Variants in VARS1 observed in about 807,000 individuals in gnomAD.
The protein encoded by VARS1 is valine--tRNA ligase.
Under a neutral mutation model 161.0 loss-of-function variants are expected in VARS1, and 92 were observed. The ratio of observed to expected loss-of-function variants is 0.57; its 90% CI spans 0.48 to 0.68. The LOEUF is 0.68. Among genes scored for constraint, VARS1 ranks in the 30% least tolerant of loss-of-function variants. The pLI is 0.00. For synonymous variants in VARS1, 595 were observed against 682.5 expected (o/e 0.87, Z 2.00); for missense variants, 1,338 against 1,695.9 (o/e 0.79, Z 3.71).
At position 31,783,736 on chromosome 6, in the gene VARS1, A is replaced by ACTG. The variant is rs956657764; in HGVS notation, c.1671+475_1671+477dup. 3.7e-4 allele frequency among the ~76,000 whole-genome samples: 54 copies of ACTG among 146,506 alleles called. No homozygotes were observed. In the South Asian group the frequency reaches 4.8e-3, roughly 13 times the overall value. The stretch of plus-strand genomic sequence containing the variant: ...GAGTGCAGCAGAGTGATCTCAGCTC[A>ACTG]CTGCAACCTCCGCATCCCAGGTTCA... On this transcript the variant is annotated intron_variant, in intron 13 of 29. Coordinates refer to ENST00000375663, the MANE Select transcript of VARS1 (RefSeq NM_006295.3).
intron 2 of VARS1, among the ~76,000 whole-genome samples, chr6:31,793,330 C>T (rs1351240136): frequency 6.6e-6 from 1 of 152,036 alleles, no homozygotes; most frequent in Non-Finnish European, 1.5e-5. Flanking sequence ...GGTGAAACCT[C>T]ATCTCTACTA....
intron 8 of VARS1, among the ~76,000 whole-genome samples, chr6:31,787,062 CAA>C (rs70990276): frequency 1.7e-4 from 12 of 70,846 alleles, no homozygotes; most frequent in East Asian, 3.9e-4. Context: ...CTAGTCTCTG[CAA>C]AAAAAAAAAA....
chr6:31,790,215 T>C (rs1211109330), intron 8 of VARS1, among the ~76,000 whole-genome samples: 2 of 151,760 alleles, frequency 1.3e-5, no homozygotes, highest in African/African-American at 4.8e-5. Context: ...AGGCTGCAGG[T>C]TGGACAAACT....
In VARS1 at chr6:31,795,724, C is replaced by T. The variant is rs908219081; in HGVS notation, c.-212G>A. 1.3e-5 allele frequency: 2 copies of T among 152,242 alleles called. No homozygotes were observed. Among genetic ancestry groups the T allele is most frequent in the Non-Finnish European group, 2.9e-5 (2 of 68,128 alleles). The allele number at this position is 152,242 out of a possible 1,614,324, so 9.4% of individuals were successfully genotyped here. A position where few individuals can be genotyped will look rare whatever the true frequency, so the allele number is the denominator to read the frequency against. On this transcript the variant is annotated 5_prime_UTR_variant, in exon 1 of 30. Coordinates refer to ENST00000375663, the MANE Select transcript of VARS1 (RefSeq NM_006295.3). This position sits in a 1 kb window ranked among gnomAD's most constrained non-coding sequence, Gnocchi z 6.9. ...GGCAGCCGGCGCCCACGTGTTCCCCCCTTTGTGACAGGGAGCGTTTCCGGG... is the reference window on the plus strand; with the variant it reads ...GGCAGCCGGCGCCCACGTGTTCCCCTCTTTGTGACAGGGAGCGTTTCCGGG...
At position 31,784,211 on chromosome 6, in the gene VARS1, C is replaced by G. The variant is rs1209621454; in HGVS notation, c.1671+3G>C. 1.9e-6 allele frequency: 3 copies of G among 1,614,030 alleles called. No homozygotes were observed. The highest frequency in any genetic ancestry group is 1.3e-5 in the African/African-American group (1 of 74,942). The stretch of plus-strand genomic sequence containing the variant: ...CCTTCCCTAACTGTGGACAGTCCCC[C>G]ACCTGGTATCTGGTATCTTTGGGGT... On this transcript the variant is annotated splice_donor_region_variant and intron_variant, in intron 13 of 29. Transcript: ENST00000375663. This position sits in a 1 kb window ranked among gnomAD's most constrained non-coding sequence, Gnocchi z 6.1.
chr6:31,781,695 T>C lies in VARS1; in HGVS notation c.2414A>G (p.Asn805Ser). The part of the protein sequence containing the change: ...LFPLSILGWP[N>S]QSEDLSVFYP... ...GCCCCGGCCCCAGGAACACACCTGG[T>C]TGGGCCAGCCCAAAATGGATAAGGG... The change falls in exon 20 of 30, where the codon AAC becomes AGC. Residue 805 changes from asparagine to serine, a missense_variant. This residue lies in a region of VARS1 where 902 missense variants were observed against 1,090.3 expected (regional missense o/e 0.83). Coordinates refer to ENST00000375663, the MANE Select transcript of VARS1 (RefSeq NM_006295.3). The surrounding 1 kb of genome is among the most constrained non-coding windows in gnomAD (Gnocchi z 6.8). 6.2e-7 allele frequency: 1 copy of C among 1,612,866 alleles called. No homozygotes were observed. The highest frequency in any genetic ancestry group is 8.5e-7 in the Non-Finnish European group (1 of 1,179,942).
At chr6:31,788,477 CGAGA>C (rs199898424) in intron 8 of VARS1, among the ~76,000 whole-genome samples, 4,452 of 145,372 alleles carry the variant, frequency 0.031, 106 homozygotes, top group Non-Finnish European at 0.047. Flanking sequence ...CCTGGGAAAC[CGAGA>C]GAGACTCTGT....
chr6:31,778,746 A>T lies in VARS1; in HGVS notation c.3726+221T>A. The T allele has an allele frequency of 1.6e-6, 1 of 615,758 alleles. No individual in the cohort carries two copies. The highest frequency in any genetic ancestry group is 2.0e-5 in the South Asian group (1 of 49,772). 38.1% of individuals were successfully genotyped at this position (615,758 alleles called of 1,614,324 possible). A position where few individuals can be genotyped will look rare whatever the true frequency, so the allele number is the denominator to read the frequency against. On this transcript the variant is annotated intron_variant, in intron 29 of 29. Transcript: ENST00000375663. This position sits in a 1 kb window ranked among gnomAD's most constrained non-coding sequence, Gnocchi z 5.1. ...GGTCTCAAACCCCTGGGCTCAAGTG[A>T]TCCACCCACCTTGGCCTCCCAAATT...
chr6:31,784,379 GC>G lies in VARS1; in HGVS notation c.1576+14del. The G allele has an allele frequency of 1.2e-6, 2 of 1,614,176 alleles. No individual in the cohort carries two copies. Among genetic ancestry groups the G allele is most frequent in the Non-Finnish European group, 8.5e-7 (1 of 1,180,036 alleles). Reference sequence around the variant, plus strand: ...GCCACTCCCAGCCCAGGATCCTGGTGCCCCTGGCTCCTACCTGAGCCTTGGA... The same window carrying G: ...GCCACTCCCAGCCCAGGATCCTGGTGCCCTGGCTCCTACCTGAGCCTTGGA... On this transcript the variant is annotated intron_variant, in intron 12 of 29. Coordinates refer to ENST00000375663, the MANE Select transcript of VARS1 (RefSeq NM_006295.3). The surrounding 1 kb of genome is among the most constrained non-coding windows in gnomAD (Gnocchi z 6.1).
chr6:31,792,325 G>A, intron 5 of VARS1, 24 bp from the exon 6 acceptor site: 1 of 1,613,852 alleles, frequency 6.2e-7, no homozygotes, highest in Non-Finnish European at 8.5e-7. Context: ...AGAAGACATA[G>A]GCCCAGGCAT....
intron 4 of VARS1, 37 bp downstream of exon 4, chr6:31,792,720 G>C: frequency 6.2e-7 from 1 of 1,611,544 alleles, no homozygotes. Context: ...AAGGCCCCAG[G>C]GAAGCCCCTA....
Position 31,780,833 on chromosome 6 carries a change from G to A in VARS1, c.2718+37C>T, listed in dbSNP as rs372278973. Reference sequence around the variant, plus strand: ...AGCGTCCTCAGCCAGCCCCATCCACGCTGTGCTCCTGCTTAGCCCAGCCCA... The same window carrying A: ...AGCGTCCTCAGCCAGCCCCATCCACACTGTGCTCCTGCTTAGCCCAGCCCA... On this transcript the variant is annotated intron_variant, in intron 23 of 29. Coordinates refer to ENST00000375663, the MANE Select transcript of VARS1 (RefSeq NM_006295.3). The surrounding 1 kb of genome is among the most constrained non-coding windows in gnomAD (Gnocchi z 5.1). 3.0e-5 allele frequency: 49 copies of A among 1,614,076 alleles called. No individual in the cohort carries two copies. Among genetic ancestry groups the A allele is most frequent in the African/African-American group, 6.7e-5 (5 of 74,924 alleles).
rs1264494037 is a variant in VARS1 at position 31,781,199 on chromosome 6, T to A, written c.2545-76A>T. 65 of 1,510,400 alleles carry A rather than the reference T, an allele frequency of 4.3e-5. No homozygotes were observed. Among genetic ancestry groups the A allele is most frequent in the Non-Finnish European group, 5.9e-5 (65 of 1,098,960 alleles). 93.6% of individuals were successfully genotyped at this position (1,510,400 alleles called of 1,614,324 possible). A position where few individuals can be genotyped will look rare whatever the true frequency, so the allele number is the denominator to read the frequency against. The stretch of plus-strand genomic sequence containing the variant: ...CCTCAGTGCCCCGACCAGGACTGTG[T>A]CTGGTCTACCCCACTGTGAACCTCA... On this transcript the variant is annotated intron_variant, in intron 21 of 29. Transcript: ENST00000375663. The surrounding 1 kb of genome is among the most constrained non-coding windows in gnomAD (Gnocchi z 6.8).
Position 31,795,681 on chromosome 6 carries a change from C to T in VARS1, c.-169G>A, listed in dbSNP as rs1215323570. 1 of 153,956 alleles carries T rather than the reference C, an allele frequency of 6.5e-6. No individual in the cohort carries two copies. 9.5% of individuals were successfully genotyped at this position (153,956 alleles called of 1,614,324 possible). A position where few individuals can be genotyped will look rare whatever the true frequency, so the allele number is the denominator to read the frequency against. On this transcript the variant is annotated 5_prime_UTR_variant, in exon 1 of 30. Coordinates refer to ENST00000375663, the MANE Select transcript of VARS1 (RefSeq NM_006295.3). This position sits in a 1 kb window ranked among gnomAD's most constrained non-coding sequence, Gnocchi z 6.9. ...GGCGGCTCTCCAGGTGACCCTAGTT[C>T]CCTAAGATCGCCGCCCCGGCAGCCG...
At chr6:31,794,705 C>T in intron 2 of VARS1, 126 bp downstream of exon 2, 2 of 1,331,354 alleles carry the variant, frequency 1.5e-6, no homozygotes, top group South Asian at 3.4e-5. Flanking sequence ...TACCAGTTGG[C>T]AATCTGGGAT....
Position 31,781,281 on chromosome 6 carries a change from C to T in VARS1, c.2545-158G>A. On this transcript the variant is annotated intron_variant, in intron 21 of 29. Coordinates refer to ENST00000375663, the MANE Select transcript of VARS1 (RefSeq NM_006295.3). The surrounding 1 kb of genome is among the most constrained non-coding windows in gnomAD (Gnocchi z 6.8). ...AGCGCCTTTATGTGAATCAGAAGCACTCCTTCCTCTGGGAAGATGAAGCCC... is the reference window on the plus strand; with the variant it reads ...AGCGCCTTTATGTGAATCAGAAGCATTCCTTCCTCTGGGAAGATGAAGCCC... 1 of 1,175,028 alleles carries T rather than the reference C, an allele frequency of 8.5e-7. No homozygotes were observed. The highest frequency in any genetic ancestry group is 1.2e-6 in the Non-Finnish European group (1 of 838,450). 72.8% of individuals were successfully genotyped at this position (1,175,028 alleles called of 1,614,324 possible).
In VARS1 at chr6:31,795,206, G is replaced by A; in HGVS notation, c.12C>T (p.Leu4=). The change falls in exon 2 of 30, where the codon CTC becomes CTT. Residue 4 remains leucine, a synonymous_variant. Coordinates refer to ENST00000375663, the MANE Select transcript of VARS1 (RefSeq NM_006295.3). This position sits in a 1 kb window ranked among gnomAD's most constrained non-coding sequence, Gnocchi z 6.9. MST[L]YVSPHPDAFP... ...AGGCATCTGGGTGAGGGGAGACGTA[G>A]AGGGTGGACATAGTTATGAGAAGGT... 6.9e-7 allele frequency: 1 copy of A among 1,454,726 alleles called. No individual in the cohort carries two copies. The allele number at this position is 1,454,726 out of a possible 1,614,324, so 90.1% of individuals were successfully genotyped here. A position where few individuals can be genotyped will look rare whatever the true frequency, so the allele number is the denominator to read the frequency against.
At position 31,794,924 on chromosome 6, in the gene VARS1, C is replaced by T. The variant is rs746580164; in HGVS notation, c.294G>A (p.Gln98=). ...GGSRAAVLVQ[Q]WVSYADTELI... The stretch of plus-strand genomic sequence containing the variant: ...ACTCCGTGTCGGCGTAACTGACCCA[C>T]TGTTGGACAAGGACAGCCGCCCGGC... The change falls in exon 2 of 30, where the codon CAG becomes CAA. Residue 98 remains glutamine (Q), a synonymous_variant. Coordinates refer to ENST00000375663, the MANE Select transcript of VARS1 (RefSeq NM_006295.3). 1.2e-6 allele frequency: 2 copies of T among 1,612,948 alleles called. No individual in the cohort carries two copies. Among genetic ancestry groups the T allele is most frequent in the Non-Finnish European group, 1.7e-6 (2 of 1,179,970 alleles).
Position 31,784,017 on chromosome 6 carries a change from C to T in VARS1, c.1671+197G>A, listed in dbSNP as rs1308584828. 6.6e-6 allele frequency among the ~76,000 whole-genome samples: 1 copy of T among 152,158 alleles called. No homozygotes were observed. The highest frequency in any genetic ancestry group is 6.5e-5 in the Admixed American group (1 of 15,272). ...GGCCCAAGTCCTTCCTTTCCAGGGC[C>T]CTGACTATCCCAACACTTGAACTCC... is the stretch of plus-strand genomic sequence containing the variant. On this transcript the variant is annotated intron_variant, in intron 13 of 29. Coordinates refer to ENST00000375663, the MANE Select transcript of VARS1 (RefSeq NM_006295.3). The surrounding 1 kb of genome is among the most constrained non-coding windows in gnomAD (Gnocchi z 6.1).
Sources: allele counts gnomAD v4.1 joint callset (sites outside exome capture counted in the v4.1 genomes callset), GRCh38; gene constraint gnomAD v4.1.1; regional missense constraint gnomAD v4.1.1; non-coding constraint Gnocchi (gnomAD v3.1); transcripts MANE v1.5; gene names NCBI Gene and HGNC (gene_info 2026-07-23, HGNC 2026-07-21).